Variants in NOL8 observed in about 807,000 individuals in gnomAD.
The protein encoded by NOL8 is nucleolar protein Nop132.
Under a neutral mutation model 116.1 loss-of-function variants are expected in NOL8, and 93 were observed. The observed-to-expected ratio is 0.80, with a 90% CI of 0.68 to 0.95. The LOEUF (loss-of-function observed/expected upper bound fraction) is 0.95, where lower values mean the gene tolerates loss of function less well. Ranked by LOEUF, NOL8 falls within the 40% of genes least tolerant of loss-of-function variation. The probability of loss-of-function intolerance (pLI) is 0.00; values close to 1 mark genes in which losing one functional copy is unlikely to be tolerated. For synonymous variants in NOL8, 419 were observed against 469.0 expected (o/e 0.89, Z 1.38); for missense variants, 1,291 against 1,382.8 (o/e 0.93, Z 1.05).
chr9:92,303,152 A>T (rs1302408526), intron 12 of NOL8, among the ~76,000 whole-genome samples: 1 of 152,174 alleles, frequency 6.6e-6, no homozygotes, highest in East Asian at 1.9e-4. Flanking sequence ...AAAGGGAGCC[A>T]GGAATTCATG....
chr9:92,310,265 C>T lies in NOL8; in HGVS notation c.2596-4G>A. On this transcript the variant is annotated splice_region_variant and splice_polypyrimidine_tract_variant and intron_variant, in intron 9 of 16. Transcript: ENST00000442668. ...AGTGCGACTGTAAATCCATGAGCTA[C>T]ACAGACAGAAAACATACATAATTGA... 3 of 1,601,644 alleles carry T rather than the reference C, an allele frequency of 1.9e-6. No individual in the cohort carries two copies. Among genetic ancestry groups the T allele is most frequent in the East Asian group, 2.2e-5 (1 of 44,512 alleles).
Position 92,314,272 on chromosome 9 carries a change from T to C in NOL8, c.2353A>G (p.Asn785Asp), listed in dbSNP as rs1449448494. 3.2e-6 allele frequency: 5 copies of C among 1,558,742 alleles called. No homozygotes were observed. Among genetic ancestry groups the C allele is most frequent in the South Asian group, 1.2e-5 (1 of 83,572 alleles). Residue 785 changes from asparagine to aspartate, a missense_variant, in exon 7 of 17, where the codon AAT becomes GAT. Asn to Asp is a conservative substitution (Grantham distance 23). Transcript: ENST00000442668. ...TACATTGAAAATATACTCACCAAAT[T>C]TGCCAGAGCATTATGCACCAGCTTC... ...QKKLVHNALA[N>D]LDGHPEDKPT...
At chr9:92,303,806 A>G (rs543406516) in intron 12 of NOL8, among the ~76,000 whole-genome samples, 1 of 152,144 alleles carries the variant, frequency 6.6e-6, no homozygotes, top group East Asian at 1.9e-4. Context: ...CCTGTCTCTA[A>G]GATTATACAA....
In NOL8 at chr9:92,297,802, G is replaced by T. The variant is rs903084198; in HGVS notation, c.*34C>A. On this transcript the variant is annotated 3_prime_UTR_variant, in exon 17 of 17. Transcript: ENST00000442668. The stretch of plus-strand genomic sequence containing the variant: ...GGGTCAGTTTCCTTAGGTGAGCCTT[G>T]TTCACATTCAGTATCAAAACCAGCT... The T allele has an allele frequency of 5.3e-6, 8 of 1,509,526 alleles. No homozygotes were observed. The African/African-American group carries it at 1.1e-4, about 21-fold the overall frequency. 93.5% of individuals were successfully genotyped at this position (1,509,526 alleles called of 1,614,324 possible). A position where few individuals can be genotyped will look rare whatever the true frequency, so the allele number is the denominator to read the frequency against.
At position 92,321,373 on chromosome 9, in the gene NOL8, G is replaced by A. The variant is rs761728253; in HGVS notation, c.281+295C>T. Reference sequence around the variant, plus strand: ...GGAGAAGATCTACATTGCCACAAAAGGGTGTGTTAACAAAGAGAAAATAAG... The same window carrying A: ...GGAGAAGATCTACATTGCCACAAAAAGGTGTGTTAACAAAGAGAAAATAAG... On this transcript the variant is annotated intron_variant, in intron 4 of 16. Coordinates refer to ENST00000442668, the MANE Select transcript of NOL8 (RefSeq NM_017948.6). Among the ~76,000 whole-genome samples, 170 of 152,170 alleles carry A rather than the reference G, an allele frequency of 1.1e-3. 1 individual carries two copies. The highest frequency in any genetic ancestry group is 1.2e-3 in the Non-Finnish European group (82 of 68,022).
At chr9:92,310,335 T>C (rs1185422975) in intron 9 of NOL8, 74 bp from the exon 10 acceptor site, 2 of 1,324,468 alleles carry the variant, frequency 1.5e-6, no homozygotes, top group Non-Finnish European at 2.1e-6. Flanking sequence ...ACTGTCAATG[T>C]ACACCTCCCC....
chr9:92,300,212 C>T lies in NOL8; in HGVS notation c.3176-196G>A, dbSNP rs1364577833. ...TTCAAATATTTTCAGAAGCCACTAT[C>T]ATAATTTTGGCATTGCTAGAATGAT... On this transcript the variant is annotated intron_variant, in intron 13 of 16. Coordinates refer to ENST00000442668, the MANE Select transcript of NOL8 (RefSeq NM_017948.6). 6 of 1,233,692 alleles carry T rather than the reference C, an allele frequency of 4.9e-6. No homozygotes were observed. In the African/African-American group the frequency reaches 9.3e-5, roughly 19 times the overall value. The allele number at this position is 1,233,692 out of a possible 1,614,324, so 76.4% of individuals were successfully genotyped here.
intron 13 of NOL8, among the ~76,000 whole-genome samples, chr9:92,301,203 T>C (rs915189195): frequency 1.3e-5 from 2 of 152,256 alleles, no homozygotes; most frequent in African/African-American, 4.8e-5. Context: ...GCACTAGTTT[T>C]CCATAAGTCA....
intron 5 of NOL8, 75 bp from the exon 6 acceptor site, chr9:92,318,761 T>C (rs190734184): frequency 2.1e-6 from 2 of 956,976 alleles, no homozygotes; most frequent in Admixed American, 3.2e-5. Flanking sequence ...ATTAGGTAAA[T>C]ACAACAAAAA....
At chr9:92,324,278 C>T in intron 1 of NOL8, 69 bp from the exon 2 acceptor site, 1 of 1,156,794 alleles carries the variant, frequency 8.6e-7, no homozygotes, top group South Asian at 1.7e-5. Flanking sequence ...TTCCTCTGAA[C>T]CTTCTGTATC....
At chr9:92,297,938 T>C (rs1837378834) in intron 16 of NOL8, 52 bp from the exon 17 acceptor site, 2 of 1,433,294 alleles carry the variant, frequency 1.4e-6, no homozygotes, top group Non-Finnish European at 1.9e-6. Context: ...TTTTAAGATG[T>C]TCAGTAGATA....
intron 4 of NOL8, 44 bp from the exon 5 acceptor site, chr9:92,319,400 GC>G (rs773189917): frequency 6.7e-7 from 1 of 1,486,312 alleles, no homozygotes; most frequent in South Asian, 1.4e-5. Context: ...AAAATAATCA[GC>G]CACGTAAAAT....
At chr9:92,300,173 A>G in intron 13 of NOL8, 157 bp from the exon 14 acceptor site, 1 of 1,305,724 alleles carries the variant, frequency 7.7e-7, no homozygotes, top group Non-Finnish European at 9.8e-7. Flanking sequence ...AGGTAGTATC[A>G]TCTTTTTAGA....
intron 5 of NOL8, 122 bp downstream of exon 5, chr9:92,319,099 T>C (rs1280002317): frequency 3.8e-6 from 4 of 1,058,180 alleles, no homozygotes; most frequent in Non-Finnish European, 5.3e-6. Context: ...CCTATCTATG[T>C]TAATTGCCTC....
rs772773900 is a variant in NOL8, at chr9:92,316,112, G to A, written c.513C>T (p.Tyr171=). Residue 171 remains tyrosine, a synonymous_variant, in exon 7 of 17, where the codon TAC becomes TAT. Transcript: ENST00000442668. ...RKIIKYDPSK[Y]CHNLKKIGED... is the part of the protein sequence containing the mutation. The stretch of plus-strand genomic sequence containing the variant: ...CCCCTATCTTCTTCAGGTTGTGGCA[G>A]TATTTTGAGGGATCATATTTGATGA... The A allele has an allele frequency of 5.0e-6, 8 of 1,613,524 alleles. No homozygotes were observed. In the South Asian group the frequency reaches 8.8e-5, roughly 18 times the overall value.
In NOL8 at chr9:92,297,665, A is replaced by G. The variant is rs1452259878; in HGVS notation, c.*171T>C. ...TTTTGAAGTAATTACTTAGGAAGAA[A>G]TGCAGAGGAGTTCCACAGAAAAAGA... On this transcript the variant is annotated 3_prime_UTR_variant, in exon 17 of 17. Coordinates refer to ENST00000442668, the MANE Select transcript of NOL8 (RefSeq NM_017948.6). 1.2e-5 allele frequency: 7 copies of G among 585,526 alleles called. No individual in the cohort carries two copies. The highest frequency in any genetic ancestry group is 3.0e-6 in the Non-Finnish European group (1 of 328,836). The allele number at this position is 585,526 out of a possible 1,614,324, so 36.3% of individuals were successfully genotyped here.
At position 92,321,857 on chromosome 9, in the gene NOL8, G is replaced by A. The variant is rs1294802423; in HGVS notation, c.203-111C>T. ...AAAGCAGGCTTGTTTATCACAAAGA[G>A]ATCCAGGGGAAGTGGAAGAAAAGAA... is the stretch of plus-strand genomic sequence containing the variant. On this transcript the variant is annotated intron_variant, in intron 3 of 16. Transcript: ENST00000442668. The A allele has an allele frequency of 8.5e-6, 5 of 591,252 alleles. No homozygotes were observed. The East Asian group carries it at 1.6e-4, about 18-fold the overall frequency. The allele number at this position is 591,252 out of a possible 1,614,324, so 36.6% of individuals were successfully genotyped here. A position where few individuals can be genotyped will look rare whatever the true frequency, so the allele number is the denominator to read the frequency against.
Position 92,306,863 on chromosome 9 carries a change from ATGG to A in NOL8, c.2825+20_2825+22del. ...TTATGGCAAAGGATGATATGGTAGA[ATGG>A]GATGGAACATAAAACATACTTAAAT... On this transcript the variant is annotated intron_variant, in intron 11 of 16. Coordinates refer to ENST00000442668, the MANE Select transcript of NOL8 (RefSeq NM_017948.6). The A allele has an allele frequency of 6.2e-7, 1 of 1,601,812 alleles. No homozygotes were observed. Among genetic ancestry groups the A allele is most frequent in the Non-Finnish European group, 8.5e-7 (1 of 1,173,372 alleles).
Position 92,315,509 on chromosome 9 carries a change from AT to A in NOL8, c.1115del (p.Asn372MetfsTer16). The A allele has an allele frequency of 6.2e-7, 1 of 1,610,640 alleles. No homozygotes were observed. Among genetic ancestry groups the A allele is most frequent in the South Asian group, 1.1e-5 (1 of 90,632 alleles). ...CHDSDDDIMR[N>X]DREYDSGDTD... ...TATCTCCTGAGTCATACTCACGATC[AT>A]TTCTCATAATATCATCATCACTATC... On this transcript the variant is annotated frameshift_variant, in exon 7 of 17. Coordinates refer to ENST00000442668, the MANE Select transcript of NOL8 (RefSeq NM_017948.6). LOFTEE classifies it high-confidence loss of function.
Sources: allele counts gnomAD v4.1 joint callset (sites outside exome capture counted in the v4.1 genomes callset), GRCh38; gene constraint gnomAD v4.1.1; transcripts MANE v1.5; gene names NCBI Gene and HGNC (gene_info 2026-07-23, HGNC 2026-07-21).